The following TNFRSF8 variants were observed in gnomAD, a reference collection of about 807,000 sequenced individuals.
TNFRSF8 encodes the protein TNF receptor superfamily member 8.
Under a neutral mutation model 70.8 loss-of-function variants are expected in TNFRSF8, and 26 were observed. The ratio of observed to expected loss-of-function variants is 0.37; its 90% CI spans 0.27 to 0.51. The LOEUF is 0.51. Among genes scored for constraint, TNFRSF8 ranks in the 20% least tolerant of loss-of-function variants. The pLI is 0.94. For synonymous variants in TNFRSF8, 356 were observed against 339.2 expected (o/e 1.05, Z -0.54); for missense variants, 720 against 807.9 (o/e 0.89, Z 1.32).
At chr1:12,085,399 C>T (rs551528784) in intron 2 of TNFRSF8, among the ~76,000 whole-genome samples, 7 of 152,176 alleles carry the variant, frequency 4.6e-5, no homozygotes, top group Non-Finnish European at 8.8e-5. Flanking sequence ...CATGAACCAA[C>T]GTGCCCGGCC....
In TNFRSF8 at chr1:12,109,223, A is replaced by G. The variant is rs1641581159; in HGVS notation, c.422-343A>G. ...CCAGAATCTTTAAATTCTACCTCAC[A>G]GGCTTGGGTCACATGTCCGTCCCTG... On this transcript the variant is annotated intron_variant, in intron 4 of 14. Transcript: ENST00000263932. This position sits in a 1 kb window ranked among gnomAD's most constrained non-coding sequence, Gnocchi z 4.4. Among the ~76,000 whole-genome samples, 1 of 152,146 alleles carries G rather than the reference A, an allele frequency of 6.6e-6. No homozygotes were observed. Among genetic ancestry groups the G allele is most frequent in the Non-Finnish European group, 1.5e-5 (1 of 68,020 alleles).
rs974225977 is a variant in TNFRSF8, at chr1:12,063,728, G to A, written c.63+67G>A. The stretch of plus-strand genomic sequence containing the variant: ...GAGCCCGGACAGTGTGGGGTGCGTG[G>A]GACGCAAGGGAGGACACTCCTCACC... On this transcript the variant is annotated intron_variant, in intron 1 of 14. Transcript: ENST00000263932. This position sits in a 1 kb window ranked among gnomAD's most constrained non-coding sequence, Gnocchi z 7.2. 10 of 1,236,596 alleles carry A rather than the reference G, an allele frequency of 8.1e-6. No individual in the cohort carries two copies. The highest frequency in any genetic ancestry group is 1.0e-5 in the Non-Finnish European group (10 of 977,324). 76.6% of individuals were successfully genotyped at this position (1,236,596 alleles called of 1,614,324 possible). A position where few individuals can be genotyped will look rare whatever the true frequency, so the allele number is the denominator to read the frequency against.
intron 12 of TNFRSF8, among the ~76,000 whole-genome samples, chr1:12,133,016 G>A (rs1478382365): frequency 1.3e-5 from 2 of 152,132 alleles, no homozygotes; most frequent in Non-Finnish European, 2.9e-5. Flanking sequence ...CACCGCCAAG[G>A]AGGCCCCTGC....
chr1:12,131,702 C>T (rs1642050839), intron 12 of TNFRSF8, among the ~76,000 whole-genome samples: 1 of 151,652 alleles, frequency 6.6e-6, no homozygotes, highest in South Asian at 2.1e-4. Context: ...CTTTGTTGTG[C>T]AGGCTGGTCT....
chr1:12,134,975 GGGGGTT>G (rs1471217233), intron 12 of TNFRSF8, among the ~76,000 whole-genome samples: 1 of 152,130 alleles, frequency 6.6e-6, no homozygotes, highest in Non-Finnish European at 1.5e-5. Flanking sequence ...GCGCGGGGGT[GGGGGTT>G]GGGAGAGTGG....
intron 6 of TNFRSF8, among the ~76,000 whole-genome samples, chr1:12,111,558 G>A (rs1363592342): frequency 2.0e-5 from 3 of 152,118 alleles, no homozygotes; most frequent in East Asian, 1.9e-4. Context: ...CAGGAGTTAC[G>A]CTAGTGTGCT....
chr1:12,096,833 C>T (rs186706749), intron 2 of TNFRSF8, among the ~76,000 whole-genome samples: 7 of 152,280 alleles, frequency 4.6e-5, no homozygotes, highest in South Asian at 2.1e-4. Context: ...GTCATTATCA[C>T]GCAATTGGCA....
chr1:12,085,963 G>T (rs1343749102), intron 2 of TNFRSF8, among the ~76,000 whole-genome samples: 1 of 152,196 alleles, frequency 6.6e-6, no homozygotes, highest in Non-Finnish European at 1.5e-5. Flanking sequence ...AGGGTGGGAG[G>T]GAGTCTGTGT....
chr1:12,081,271 T>G (rs1348003311), intron 1 of TNFRSF8, among the ~76,000 whole-genome samples: 1 of 151,956 alleles, frequency 6.6e-6, no homozygotes, highest in African/African-American at 2.4e-5. Flanking sequence ...TCCGTAGCTG[T>G]CAGTGAGATT....
At chr1:12,132,745 G>C (rs1010318615) in intron 12 of TNFRSF8, among the ~76,000 whole-genome samples, 1 of 150,612 alleles carries the variant, frequency 6.6e-6, no homozygotes, top group African/African-American at 2.4e-5. Flanking sequence ...GGCTGAGGCA[G>C]GAGGATCGCT....
intron 12 of TNFRSF8, among the ~76,000 whole-genome samples, chr1:12,130,441 GCT>G (rs1642026888): frequency 6.6e-6 from 1 of 152,172 alleles, no homozygotes; most frequent in Non-Finnish European, 1.5e-5. Context: ...TAACTTGTGT[GCT>G]CCTGCCCCGG....
chr1:12,112,558 T>TA lies in TNFRSF8; in HGVS notation c.793+552dup, dbSNP rs201860026. On this transcript the variant is annotated intron_variant, in intron 7 of 14. Coordinates refer to ENST00000263932, the MANE Select transcript of TNFRSF8 (RefSeq NM_001243.5). The surrounding 1 kb of genome is among the most constrained non-coding windows in gnomAD (Gnocchi z 5.3). ...GTGCACACTACCATGCCTGGCTAAT[T>TA]AAAAAAAATTTTTTTTCATACAGAT... Among the ~76,000 whole-genome samples, 1 of 151,930 alleles carries TA rather than the reference T, an allele frequency of 6.6e-6. No homozygotes were observed. The highest frequency in any genetic ancestry group is 1.5e-5 in the Non-Finnish European group (1 of 67,958).
chr1:12,070,233 G>A (rs1288785422), intron 1 of TNFRSF8, among the ~76,000 whole-genome samples: 1 of 151,964 alleles, frequency 6.6e-6, no homozygotes, highest in African/African-American at 2.4e-5. Flanking sequence ...GAGCAGAGGT[G>A]GGAATGTGCT....
rs145952245 is a variant in TNFRSF8 at position 12,073,757 on chromosome 1, C to A, written c.63+10096C>A. Among the ~76,000 whole-genome samples the A allele has an allele frequency of 2.8e-3, 431 of 151,816 alleles. 1 individual carries two copies. Among genetic ancestry groups the A allele is most frequent in the African/African-American group, 9.8e-3 (404 of 41,418 alleles). On this transcript the variant is annotated intron_variant, in intron 1 of 14. Transcript: ENST00000263932. ...TACAGGCGCCCACCACCACGCCTGG[C>A]TAATTTTTATGTATTTTTACTAGAG...
At position 12,110,229 on chromosome 1, in the gene TNFRSF8, T is replaced by A; in HGVS notation, c.676+25T>A. The A allele has an allele frequency of 6.4e-7, 1 of 1,561,948 alleles. No individual in the cohort carries two copies. Among genetic ancestry groups the A allele is most frequent in the Non-Finnish European group, 8.7e-7 (1 of 1,151,830 alleles). On this transcript the variant is annotated intron_variant, in intron 6 of 14. Coordinates refer to ENST00000263932, the MANE Select transcript of TNFRSF8 (RefSeq NM_001243.5). The surrounding 1 kb of genome is among the most constrained non-coding windows in gnomAD (Gnocchi z 4.0). ...GGTAATTTCCCCATGAAGCTGTGGG[T>A]CGTCTCCCTGGGGTGCTCGATTGGT... is the stretch of plus-strand genomic sequence containing the variant.
rs924935681 is a variant in TNFRSF8 at position 12,088,875 on chromosome 1, G to A, written c.151+4324G>A. 7.2e-5 allele frequency among the ~76,000 whole-genome samples: 11 copies of A among 151,922 alleles called. No individual in the cohort carries two copies. Among genetic ancestry groups the A allele is most frequent in the African/African-American group, 2.4e-4 (10 of 41,490 alleles). ...TGGCATGACAGCTGCTGCCCCTGCC[G>A]CCTCCCCCTCCCCCGCCCAGTCCCT... On this transcript the variant is annotated intron_variant, in intron 2 of 14. Transcript: ENST00000263932. This position sits in a 1 kb window ranked among gnomAD's most constrained non-coding sequence, Gnocchi z 4.0.
rs1641677566 is a variant in TNFRSF8, at chr1:12,113,772, A to C, written c.793+1758A>C. Among the ~76,000 whole-genome samples the C allele has an allele frequency of 6.6e-6, 1 of 150,732 alleles. No homozygotes were observed. The highest frequency in any genetic ancestry group is 2.4e-5 in the African/African-American group (1 of 41,318). On this transcript the variant is annotated intron_variant, in intron 7 of 14. Transcript: ENST00000263932. This position sits in a 1 kb window ranked among gnomAD's most constrained non-coding sequence, Gnocchi z 4.9. ...GAAAGAGAGAGAGAGAGACAGAAAG[A>C]GAGAGAGAGAGACAGACAGAGGCAG...
intron 1 of TNFRSF8, among the ~76,000 whole-genome samples, chr1:12,083,696 A>T (rs926098678): frequency 6.6e-6 from 1 of 152,158 alleles, no homozygotes; most frequent in Non-Finnish European, 1.5e-5. Flanking sequence ...CAACAAATTA[A>T]AAAAAAGAGA....
At chr1:12,086,700 A>T (rs773341339) in intron 2 of TNFRSF8, among the ~76,000 whole-genome samples, 4 of 151,958 alleles carry the variant, frequency 2.6e-5, no homozygotes, top group Non-Finnish European at 5.9e-5. Context: ...GTCCAAGATC[A>T]AGGTTTTTGG....
Sources: allele counts gnomAD v4.1 joint callset (sites outside exome capture counted in the v4.1 genomes callset), GRCh38; gene constraint gnomAD v4.1.1; non-coding constraint Gnocchi (gnomAD v3.1); transcripts MANE v1.5; gene names NCBI Gene and HGNC (gene_info 2026-07-23, HGNC 2026-07-21).